The following FILIP1 variants were observed in gnomAD, a reference collection of about 807,000 sequenced individuals.
FILIP1 encodes filamin-A-interacting protein 1.
FILIP1 carries 61 observed loss-of-function variants against 102.1 expected under a neutral mutation model. The ratio of observed to expected loss-of-function variants is 0.60; its 90% CI spans 0.49 to 0.74. The LOEUF (loss-of-function observed/expected upper bound fraction) is 0.74. Among genes scored for constraint, FILIP1 ranks in the 30% least tolerant of loss-of-function variants. The probability of loss-of-function intolerance (pLI) is 0.00; values close to 1 mark genes in which losing one functional copy is unlikely to be tolerated. For synonymous variants in FILIP1, 491 were observed against 526.9 expected, an observed-to-expected ratio of 0.93 and a Z score of 0.93; for missense variants, 1,314 against 1,441.2, an observed-to-expected ratio of 0.91 and a Z score of 1.43.
intron 2 of FILIP1, among the ~76,000 whole-genome samples, chr6:75,394,114 GTTAC>G (rs1267703424): frequency 1.3e-5 from 2 of 152,088 alleles, no homozygotes; most frequent in Non-Finnish European, 2.9e-5. Flanking sequence ...ACCATCTCTG[GTTAC>G]TTCAGAATTC....
intron 1 of FILIP1, among the ~76,000 whole-genome samples, chr6:75,482,001 T>C (rs1779661469): frequency 6.6e-6 from 1 of 152,136 alleles, no homozygotes; most frequent in South Asian, 2.1e-4. Flanking sequence ...CCCTAATCTT[T>C]CTCTCAAAAG....
chr6:75,468,787 T>G (rs1779247074), intron 1 of FILIP1, among the ~76,000 whole-genome samples: 1 of 152,076 alleles, frequency 6.6e-6, no homozygotes, highest in African/African-American at 2.4e-5. Context: ...TACCTAGATA[T>G]TATATTAATA....
At chr6:75,343,538 C>G (rs1774482450) in intron 4 of FILIP1, among the ~76,000 whole-genome samples, 1 of 152,144 alleles carries the variant, frequency 6.6e-6, no homozygotes, top group Admixed American at 6.6e-5. Context: ...CTCAGAGAAA[C>G]ATCTTATCTA....
intron 4 of FILIP1, among the ~76,000 whole-genome samples, chr6:75,342,698 G>A (rs1774454064): frequency 6.6e-6 from 1 of 152,178 alleles, no homozygotes; most frequent in East Asian, 1.9e-4. Context: ...CCTCTGAGAT[G>A]CACACTGTGG....
intron 2 of FILIP1, among the ~76,000 whole-genome samples, chr6:75,413,253 T>C (rs1175686172): frequency 6.6e-6 from 1 of 152,136 alleles, no homozygotes; most frequent in African/African-American, 2.4e-5. Context: ...AAGGCAAAAA[T>C]TGTACCTTTC....
intron 2 of FILIP1, among the ~76,000 whole-genome samples, chr6:75,400,302 C>T (rs768359731): frequency 3.3e-5 from 5 of 152,182 alleles, no homozygotes; most frequent in Admixed American, 6.5e-5. Flanking sequence ...CCAGTTTATA[C>T]TTGCCAATTG....
At chr6:75,351,493 G>C (rs1015119515) in intron 4 of FILIP1, among the ~76,000 whole-genome samples, 1 of 152,196 alleles carries the variant, frequency 6.6e-6, no homozygotes, top group African/African-American at 2.4e-5. Flanking sequence ...AGAACAGTGA[G>C]TCTGGTATTC....
Position 75,308,673 on chromosome 6 carries a change from C to T in FILIP1, c.*18G>A. The T allele has an allele frequency of 6.2e-7, 1 of 1,612,164 alleles. No homozygotes were observed. Among genetic ancestry groups the T allele is most frequent in the Non-Finnish European group, 8.5e-7 (1 of 1,179,932 alleles). The stretch of plus-strand genomic sequence containing the variant: ...GCAGCAGTAGCATCTGCACAACATA[C>T]CCCCTTAGCCACTGCCCTCAGCCCT... On this transcript the variant is annotated 3_prime_UTR_variant, in exon 6 of 6. Coordinates refer to ENST00000237172, the MANE Select transcript of FILIP1 (RefSeq NM_015687.5).
intron 2 of FILIP1, among the ~76,000 whole-genome samples, chr6:75,400,193 AT>A (rs1776603777): frequency 3.3e-5 from 5 of 152,214 alleles, no homozygotes; most frequent in Admixed American, 3.3e-4. Context: ...CTTGGTCGCT[AT>A]GCTGAAGGTT....
Position 75,372,673 on chromosome 6 carries a change from GAAAGAAAGAAAGA to G in FILIP1, c.277-9769_277-9757del, listed in dbSNP as rs1562514591. 1.4e-3 allele frequency among the ~76,000 whole-genome samples: 77 copies of G among 57,002 alleles called. 1 individual carries two copies. The highest frequency in any genetic ancestry group is 7.4e-3 in the African/African-American group (75 of 10,144). The allele number at this position is 57,002 out of a possible 152,430, so 37.4% of individuals were successfully genotyped here. ...AGAAAGAAAGAAAGAAAGAAAGAAA[GAAAGAAAGAAAGA>G]GAAAGAAAGAGAAAGAAAGAAAGAA... On this transcript the variant is annotated intron_variant, in intron 2 of 5. Coordinates refer to ENST00000237172, the MANE Select transcript of FILIP1 (RefSeq NM_015687.5).
chr6:75,446,460 A>G (rs1356955529), intron 1 of FILIP1, among the ~76,000 whole-genome samples: 3 of 152,284 alleles, frequency 2.0e-5, no homozygotes, highest in East Asian at 1.9e-4. Context: ...GCTAATCTAC[A>G]TTGCACAGTC....
chr6:75,350,227 C>T (rs1370864917), intron 4 of FILIP1, among the ~76,000 whole-genome samples: 1 of 151,936 alleles, frequency 6.6e-6, no homozygotes, highest in Non-Finnish European at 1.5e-5. Flanking sequence ...GATTTAAGCA[C>T]TAAAGTATAA....
intron 1 of FILIP1, among the ~76,000 whole-genome samples, chr6:75,464,402 C>T (rs1779108589): frequency 6.6e-6 from 1 of 152,122 alleles, no homozygotes; most frequent in South Asian, 2.1e-4. Flanking sequence ...TGCTCAAGTG[C>T]TTTGTGAAAA....
exon 7 of FILIP1, chr6:75,293,523 T>C (rs947827896): frequency 1.3e-5 from 2 of 152,174 alleles, no homozygotes; most frequent in Non-Finnish European, 2.9e-5. Context: ...GAGGACTTAA[T>C]CATAGCATGG....
intron 4 of FILIP1, among the ~76,000 whole-genome samples, chr6:75,318,130 A>G (rs1204627456): frequency 6.6e-6 from 1 of 151,302 alleles, no homozygotes; most frequent in Non-Finnish European, 1.5e-5. Flanking sequence ...GTTCCTGGAT[A>G]GCTTTTCATC....
chr6:75,487,528 G>A (rs77153231), intron 1 of FILIP1, among the ~76,000 whole-genome samples: 1,538 of 151,966 alleles, frequency 0.01, 48 homozygotes, highest in East Asian at 0.1. Flanking sequence ...TCCCATTATT[G>A]TGTCATCTAT....
intron 2 of FILIP1, among the ~76,000 whole-genome samples, chr6:75,371,381 G>T (rs1775512186): frequency 6.6e-6 from 1 of 152,158 alleles, no homozygotes; most frequent in Non-Finnish European, 1.5e-5. Context: ...AATTTCTTAT[G>T]TTAAAACTTG....
intron 1 of FILIP1, among the ~76,000 whole-genome samples, chr6:75,423,612 C>A (rs1777541264): frequency 6.6e-6 from 1 of 152,268 alleles, no homozygotes; most frequent in Admixed American, 6.5e-5. Context: ...GTAATGCCTG[C>A]AGCTGGCCTT....
chr6:75,442,013 CG>C (rs1778271460), intron 1 of FILIP1, among the ~76,000 whole-genome samples: 1 of 150,216 alleles, frequency 6.7e-6, no homozygotes, highest in Non-Finnish European at 1.5e-5. Flanking sequence ...GGCTGCTGGG[CG>C]GAGGGGCTCC....
Sources: allele counts gnomAD v4.1 joint callset (sites outside exome capture counted in the v4.1 genomes callset), GRCh38; gene constraint gnomAD v4.1.1; transcripts MANE v1.5; gene names NCBI Gene and HGNC (gene_info 2026-07-23, HGNC 2026-07-21).